TTYH3: variants seen among roughly 807,000 people sequenced by gnomAD.
TTYH3 encodes the protein tweety family member 3.
In TTYH3, 23 loss-of-function variants were observed where a neutral mutation model predicts 68.2. The observed-to-expected ratio is 0.34, with a 90% CI of 0.24 to 0.48. TTYH3 has a LOEUF of 0.48. TTYH3 is among the 20% of genes least tolerant of loss of function. The pLI, the probability that TTYH3 is intolerant of heterozygous loss-of-function variation, is 0.99. For synonymous variants in TTYH3, 360 were observed against 332.8 expected, an observed-to-expected ratio of 1.08 and a Z score of -0.89; for missense variants, 768 against 727.7, an observed-to-expected ratio of 1.06 and a Z score of -0.64.
intron 13 of TTYH3, 65 bp from the exon 14 acceptor site, chr7:2,661,603 A>AGGC: frequency 6.6e-7 from 1 of 1,512,386 alleles, no homozygotes; most frequent in Non-Finnish European, 9.1e-7. Context: ...ACCACGCGGA[A>AGGC]GGCGCCCCTG....
chr7:2,631,987 C>A lies in TTYH3; in HGVS notation c.-169C>A. ...GAGGCGGCGGGCGCGGGCGGCCGAG[C>A]GGAGCCGAGCGCAGCCGAGCCGGGC... On this transcript the variant is annotated 5_prime_UTR_variant, in exon 1 of 14. Coordinates refer to ENST00000258796, the MANE Select transcript of TTYH3 (RefSeq NM_025250.3). 2 of 393,150 alleles carry A rather than the reference C, an allele frequency of 5.1e-6. No individual in the cohort carries two copies. Among genetic ancestry groups the A allele is most frequent in the Non-Finnish European group, 6.9e-6 (2 of 290,698 alleles). 24.4% of individuals were successfully genotyped at this position (393,150 alleles called of 1,614,324 possible). A position where few individuals can be genotyped will look rare whatever the true frequency, so the allele number is the denominator to read the frequency against.
intron 1 of TTYH3, among the ~76,000 whole-genome samples, chr7:2,643,354 C>CA (rs34320575): frequency 0.2 from 20,126 of 100,246 alleles, 3,001 homozygotes; most frequent in African/African-American, 0.42. Context: ...GACTCTGTCT[C>CA]AAAAAAAAAA....
In TTYH3 at chr7:2,645,692, C is replaced by T. The variant is rs534159936; in HGVS notation, c.124-1161C>T. The T allele has an allele frequency of 1.6e-5, 7 of 433,460 alleles. No homozygotes were observed. Among genetic ancestry groups the T allele is most frequent in the Non-Finnish European group, 4.8e-6 (1 of 207,472 alleles). The allele number at this position is 433,460 out of a possible 1,614,324, so 26.9% of individuals were successfully genotyped here. A position where few individuals can be genotyped will look rare whatever the true frequency, so the allele number is the denominator to read the frequency against. Reference sequence around the variant, plus strand: ...GGGGCACGCCATGGACGGTGCCCACCCCTGAGTGCAGCTTCTCGGTGCACA... The same window carrying T: ...GGGGCACGCCATGGACGGTGCCCACTCCTGAGTGCAGCTTCTCGGTGCACA... On this transcript the variant is annotated intron_variant, in intron 1 of 13. Transcript: ENST00000258796. This position sits in a 1 kb window ranked among gnomAD's most constrained non-coding sequence, Gnocchi z 4.8.
At chr7:2,638,278 G>A (rs961272524) in intron 1 of TTYH3, among the ~76,000 whole-genome samples, 3 of 152,142 alleles carry the variant, frequency 2.0e-5, no homozygotes, top group South Asian at 2.1e-4. Flanking sequence ...CGGGTGTCAC[G>A]CTGGGAGATG....
intron 11 of TTYH3, among the ~76,000 whole-genome samples, chr7:2,657,802 G>T (rs557114842): frequency 6.6e-6 from 1 of 152,340 alleles, no homozygotes; most frequent in Admixed American, 6.5e-5. Flanking sequence ...TCCCATGTGG[G>T]ACCTCCTGGG....
intron 1 of TTYH3, among the ~76,000 whole-genome samples, chr7:2,634,405 C>G (rs1169958571): frequency 6.6e-6 from 1 of 152,080 alleles, no homozygotes; most frequent in African/African-American, 2.4e-5. Flanking sequence ...TGGCAGGCGC[C>G]CCTTCCTGCC....
At position 2,643,151 on chromosome 7, in the gene TTYH3, C is replaced by T. The variant is rs368939280; in HGVS notation, c.124-3702C>T. On this transcript the variant is annotated intron_variant, in intron 1 of 13. Coordinates refer to ENST00000258796, the MANE Select transcript of TTYH3 (RefSeq NM_025250.3). ...CGGGCAGATCATGAGGTCAGGAAAT[C>T]GAGAGCATCCTGGCTAACACAGTGA... 7.9e-5 allele frequency among the ~76,000 whole-genome samples: 12 copies of T among 151,314 alleles called. No homozygotes were observed. The South Asian group carries it at 1.9e-3, about 24-fold the overall frequency.
chr7:2,639,863 A>C (rs1583557201), intron 1 of TTYH3, among the ~76,000 whole-genome samples: 1 of 151,664 alleles, frequency 6.6e-6, no homozygotes. Context: ...CCTTCTGCCC[A>C]CCCCTTCTCT....
chr7:2,650,208 G>T (rs938682865), intron 7 of TTYH3, among the ~76,000 whole-genome samples: 4 of 152,216 alleles, frequency 2.6e-5, no homozygotes, highest in African/African-American at 9.6e-5. Context: ...GGGTGCCCGC[G>T]TGGCAGGGGG....
In TTYH3 at chr7:2,645,820, C is replaced by T. The variant is rs992165188; in HGVS notation, c.124-1033C>T. ...GGGGGTTCAGTCCCCCACAGGCTCCCAATTTCCCTACCAGACCTGAAAACC... is the reference window on the plus strand; with the variant it reads ...GGGGGTTCAGTCCCCCACAGGCTCCTAATTTCCCTACCAGACCTGAAAACC... On this transcript the variant is annotated intron_variant, in intron 1 of 13. Transcript: ENST00000258796. The surrounding 1 kb of genome is among the most constrained non-coding windows in gnomAD (Gnocchi z 4.8). 1.1e-5 allele frequency: 5 copies of T among 470,920 alleles called. No homozygotes were observed. The highest frequency in any genetic ancestry group is 7.7e-5 in the South Asian group (5 of 64,558). The allele number at this position is 470,920 out of a possible 1,614,324, so 29.2% of individuals were successfully genotyped here.
chr7:2,642,503 C>T (rs1479270900), intron 1 of TTYH3, among the ~76,000 whole-genome samples: 7 of 142,032 alleles, frequency 4.9e-5, no homozygotes, highest in African/African-American at 8.0e-5. Context: ...GATCATGCCA[C>T]TGCACTCCAG....
chr7:2,646,753 G>A (rs781782508), intron 1 of TTYH3, 100 bp from the exon 2 acceptor site: 1 of 1,306,888 alleles, frequency 7.7e-7, no homozygotes, highest in Non-Finnish European at 1.0e-6. Context: ...GCTGGGGGCA[G>A]GATTAAATGG....
Position 2,647,173 on chromosome 7 carries a change from G to A in TTYH3, c.325G>A (p.Gly109Arg), listed in dbSNP as rs765393134. ...AGIAVGFYGNGETSDGIHRAT... is the reference protein window; with the variant it reads ...AGIAVGFYGNRETSDGIHRAT... Reference sequence around the variant, plus strand: ...CATCGCAGTGGGATTCTACGGCAACGGGGAGACCAGTGATGGCATCCATAG... The same window carrying A: ...CATCGCAGTGGGATTCTACGGCAACAGGGAGACCAGTGATGGCATCCATAG... The change falls in exon 3 of 14, where the codon GGG becomes AGG. Residue 109 changes from glycine (G) to arginine (R), a missense_variant. Transcript: ENST00000258796. 5.6e-6 allele frequency: 9 copies of A among 1,606,698 alleles called. No homozygotes were observed. The highest frequency in any genetic ancestry group is 6.8e-6 in the Non-Finnish European group (8 of 1,178,088).
intron 1 of TTYH3, among the ~76,000 whole-genome samples, chr7:2,638,784 G>A (rs931290343): frequency 5.9e-5 from 9 of 152,164 alleles, no homozygotes; most frequent in African/African-American, 2.2e-4. Context: ...GTAGGGGCTG[G>A]GGCCACGTGT....
intron 1 of TTYH3, among the ~76,000 whole-genome samples, chr7:2,643,973 C>CG (rs1785918468): frequency 1.3e-5 from 2 of 152,074 alleles, no homozygotes; most frequent in South Asian, 4.1e-4. Context: ...AGCACAGGGT[C>CG]GGGGGAGCGA....
chr7:2,660,054 G>GA (rs869047931), intron 13 of TTYH3: 1 of 1,147,408 alleles, frequency 8.7e-7, no homozygotes, highest in African/African-American at 4.1e-5. Context: ...CTGACCCACC[G>GA]GTCCCCCATC....
At chr7:2,646,710 C>A in intron 1 of TTYH3, 143 bp from the exon 2 acceptor site, 1 of 892,064 alleles carries the variant, frequency 1.1e-6, no homozygotes, top group Non-Finnish European at 1.7e-6. Context: ...CCATGCCTCA[C>A]CTACAAGTCG....
rs556781538 is a variant in TTYH3 at position 2,645,782 on chromosome 7, A to C, written c.124-1071A>C. On this transcript the variant is annotated intron_variant, in intron 1 of 13. Transcript: ENST00000258796. The surrounding 1 kb of genome is among the most constrained non-coding windows in gnomAD (Gnocchi z 4.8). ...ATGTTCACCCCTCAGAAACACTTTC[A>C]TGGTCAGCAAGAGGGGGTTCAGTCC... is the stretch of plus-strand genomic sequence containing the variant. The C allele has an allele frequency of 4.2e-6, 2 of 470,794 alleles. No homozygotes were observed. The highest frequency in any genetic ancestry group is 3.1e-5 in the South Asian group (2 of 64,564). 29.2% of individuals were successfully genotyped at this position (470,794 alleles called of 1,614,324 possible).
At position 2,647,199 on chromosome 7, in the gene TTYH3, G is replaced by C; in HGVS notation, c.351G>C (p.Arg117Ser). The C allele has an allele frequency of 6.2e-7, 1 of 1,606,378 alleles. No homozygotes were observed. The highest frequency in any genetic ancestry group is 8.5e-7 in the Non-Finnish European group (1 of 1,178,086). ...GNGETSDGIHRATYSLRHANR... is the reference protein window; with the variant it reads ...GNGETSDGIHSATYSLRHANR... ...GGGAGACCAGTGATGGCATCCATAGGGCCACCTACTCGCTCCGCCACGCCA... is the reference window on the plus strand; with the variant it reads ...GGGAGACCAGTGATGGCATCCATAGCGCCACCTACTCGCTCCGCCACGCCA... Residue 117 changes from arginine to serine, a missense_variant, in exon 3 of 14, where the codon AGG becomes AGC. Physicochemically the swap from Arg to Ser is moderately radical, Grantham distance 110. Coordinates refer to ENST00000258796, the MANE Select transcript of TTYH3 (RefSeq NM_025250.3).
Sources: allele counts gnomAD v4.1 joint callset (sites outside exome capture counted in the v4.1 genomes callset), GRCh38; gene constraint gnomAD v4.1.1; non-coding constraint Gnocchi (gnomAD v3.1); transcripts MANE v1.5; gene names NCBI Gene and HGNC (gene_info 2026-07-23, HGNC 2026-07-21).